Variants in SCEL observed in about 807,000 individuals in gnomAD.
SCEL encodes the protein sciellin.
Under a neutral mutation model 117.6 loss-of-function variants are expected in SCEL, and 113 were observed. The ratio of observed to expected loss-of-function variants is 0.96; its 90% CI spans 0.83 to 1.12. SCEL has a LOEUF of 1.12. Among genes scored for constraint, SCEL ranks in the 50% most tolerant of loss-of-function variants. The probability of loss-of-function intolerance (pLI) is 0.00; values close to 1 mark genes in which losing one functional copy is unlikely to be tolerated. For missense variants in SCEL, 785 were observed against 810.8 expected (o/e 0.97, Z 0.39); for synonymous variants, 270 against 256.2 (o/e 1.05, Z -0.51).
At chr13:77,638,020 C>T (rs781095112) in intron 30 of SCEL, among the ~76,000 whole-genome samples, 2 of 152,216 alleles carry the variant, frequency 1.3e-5, no homozygotes, top group Non-Finnish European at 2.9e-5. Context: ...AACAAGCCAT[C>T]ATGCAAATGT....
At chr13:77,592,041 T>A (rs2086904744) in intron 11 of SCEL, among the ~76,000 whole-genome samples, 1 of 152,154 alleles carries the variant, frequency 6.6e-6, no homozygotes. Context: ...AGGAAAAAAA[T>A]TACTTTTTGA....
intron 8 of SCEL, among the ~76,000 whole-genome samples, chr13:77,571,648 C>T (rs2085632290): frequency 6.6e-6 from 1 of 151,252 alleles, no homozygotes; most frequent in Non-Finnish European, 1.5e-5. Context: ...GAGATCGCGC[C>T]ATTACACTCC....
At chr13:77,601,114 CTT>C (rs11378449) in intron 15 of SCEL, among the ~76,000 whole-genome samples, 35,553 of 140,882 alleles carry the variant, frequency 0.25, 4,502 homozygotes, top group East Asian at 0.44. Flanking sequence ...AAAACAGTCT[CTT>C]TTTTTTTTTT....
intron 30 of SCEL, 94 bp downstream of exon 30, chr13:77,637,288 A>G (rs2090330027): frequency 4.5e-6 from 1 of 221,324 alleles, no homozygotes; most frequent in African/African-American, 2.5e-5. Context: ...AGGCACACAC[A>G]CATATATATA....
At chr13:77,579,552 G>T (rs1309251355) in intron 9 of SCEL, among the ~76,000 whole-genome samples, 1 of 152,122 alleles carries the variant, frequency 6.6e-6, no homozygotes, top group Non-Finnish European at 1.5e-5. Flanking sequence ...GTTGGGCTCT[G>T]CCAGGAGTAC....
At chr13:77,598,676 GTTGT>G (rs1187069795) in intron 13 of SCEL, among the ~76,000 whole-genome samples, 1 of 152,124 alleles carries the variant, frequency 6.6e-6, no homozygotes, top group African/African-American at 2.4e-5. Context: ...ATCCAGTTTT[GTTGT>G]TTGTTTGTTC....
At chr13:77,627,893 T>A in intron 27 of SCEL, 54 bp from the exon 28 acceptor site, 1 of 733,970 alleles carries the variant, frequency 1.4e-6, no homozygotes, top group Non-Finnish European at 2.1e-6. Flanking sequence ...TAGCATTTTC[T>A]TATTTCCTAT....
chr13:77,619,598 A>G (rs928545652), intron 27 of SCEL, among the ~76,000 whole-genome samples: 8 of 152,130 alleles, frequency 5.3e-5, no homozygotes, highest in Non-Finnish European at 1.0e-4. Flanking sequence ...TTATTGTTAA[A>G]ATGACAGTGA....
At chr13:77,572,657 C>T (rs573693266) in intron 9 of SCEL, among the ~76,000 whole-genome samples, 8 of 152,292 alleles carry the variant, frequency 5.3e-5, no homozygotes, top group South Asian at 2.1e-4. Context: ...TTGACCTGAT[C>T]GCTGCCTTCA....
intron 1 of SCEL, among the ~76,000 whole-genome samples, chr13:77,548,130 T>C (rs921118016): frequency 6.6e-6 from 1 of 152,246 alleles, no homozygotes; most frequent in Non-Finnish European, 1.5e-5. Context: ...AATAATACTT[T>C]ATATGATTTT....
intron 16 of SCEL, 136 bp downstream of exon 16, chr13:77,602,260 A>G (rs980774327): frequency 3.1e-6 from 2 of 635,690 alleles, no homozygotes. Flanking sequence ...CCTAGTAGGC[A>G]AAAGGAATAT....
Position 77,555,802 on chromosome 13 carries a change from T to C in SCEL, c.-19-55T>C. On this transcript the variant is annotated intron_variant, in intron 1 of 32. Coordinates refer to ENST00000349847, the MANE Select transcript of SCEL (RefSeq NM_144777.3). Reference sequence around the variant, plus strand: ...TGAATCTCAGTCATGAAACAGTCACTTACAGGTTCTCAGAGTCATTGATGT... The same window carrying C: ...TGAATCTCAGTCATGAAACAGTCACCTACAGGTTCTCAGAGTCATTGATGT... 1.7e-6 allele frequency: 2 copies of C among 1,149,050 alleles called. 1 individual carries two copies. Among genetic ancestry groups the C allele is most frequent in the South Asian group, 2.5e-5 (2 of 80,598 alleles). 71.2% of individuals were successfully genotyped at this position (1,149,050 alleles called of 1,614,324 possible).
chr13:77,547,441 T>A (rs1272740935), intron 1 of SCEL, among the ~76,000 whole-genome samples: 2 of 152,162 alleles, frequency 1.3e-5, no homozygotes, highest in Non-Finnish European at 2.9e-5. Context: ...AAAGGTATGA[T>A]GGATTTGGTA....
chr13:77,609,115 A>AG lies in SCEL; in HGVS notation c.1277+1dup. The AG allele has an allele frequency of 6.3e-7, 1 of 1,596,160 alleles. No homozygotes were observed. The highest frequency in any genetic ancestry group is 8.5e-7 in the Non-Finnish European group (1 of 1,174,590). On this transcript the variant is annotated frameshift_variant and splice_region_variant, in exon 21 of 33. Transcript: ENST00000349847. LOFTEE classifies it high-confidence loss of function. ...ATCCAGGAACAGAAAAAAGTACTGA[A>AG]GGGTAAGATTTAATAAGCTCCCTTT...
At chr13:77,642,028 T>A (rs1567455309) in intron 31 of SCEL, among the ~76,000 whole-genome samples, 1 of 152,198 alleles carries the variant, frequency 6.6e-6, no homozygotes, top group Non-Finnish European at 1.5e-5. Context: ...TAAACAAGAA[T>A]ATTCTCCTGA....
intron 1 of SCEL, among the ~76,000 whole-genome samples, chr13:77,539,317 T>G (rs1055232515): frequency 1.3e-5 from 2 of 151,244 alleles, no homozygotes; most frequent in African/African-American, 2.4e-5. Context: ...GGGACATATA[T>G]GTATAAAATA....
intron 9 of SCEL, among the ~76,000 whole-genome samples, chr13:77,582,036 G>C (rs1472981537): frequency 6.6e-6 from 1 of 152,120 alleles, no homozygotes; most frequent in Non-Finnish European, 1.5e-5. Flanking sequence ...AGTGGGGGAT[G>C]GGGGTGAAAG....
chr13:77,643,388 T>C (rs1474003623), intron 32 of SCEL, among the ~76,000 whole-genome samples: 1 of 152,160 alleles, frequency 6.6e-6, no homozygotes, highest in Non-Finnish European at 1.5e-5. Flanking sequence ...AAACTACATA[T>C]GAAAGTTTTA....
intron 28 of SCEL, among the ~76,000 whole-genome samples, chr13:77,633,442 CAA>C (rs59939208): frequency 4.7e-4 from 14 of 30,020 alleles, no homozygotes; most frequent in Admixed American, 1.3e-3. Flanking sequence ...GACTCCGCCT[CAA>C]AAAAAAAAAA....
Sources: allele counts gnomAD v4.1 joint callset (sites outside exome capture counted in the v4.1 genomes callset), GRCh38; gene constraint gnomAD v4.1.1; transcripts MANE v1.5; gene names NCBI Gene and HGNC (gene_info 2026-07-23, HGNC 2026-07-21).